The following PIKFYVE variants were observed in gnomAD, a reference collection of about 807,000 sequenced individuals.
The protein encoded by PIKFYVE is phosphoinositide kinase, FYVE-type zinc finger containing, also known as 1-phosphatidylinositol 3-phosphate 5-kinase.
PIKFYVE carries 122 observed loss-of-function variants against 257.9 expected under a neutral mutation model. The observed-to-expected ratio is 0.47, with a 90% CI of 0.41 to 0.55. The LOEUF (loss-of-function observed/expected upper bound fraction) is 0.55, where lower values mean the gene tolerates loss of function less well. PIKFYVE is among the 20% of genes least tolerant of loss of function. The pLI, the probability that PIKFYVE is intolerant of heterozygous loss-of-function variation, is 0.00. For synonymous variants in PIKFYVE, 892 were observed against 868.9 expected (o/e 1.03, Z -0.47); for missense variants, 2,160 against 2,536.6 (o/e 0.85, Z 3.19).
chr2:208,277,734 C>T, intron 5 of PIKFYVE, 26 bp downstream of exon 5: 1 of 1,610,034 alleles, frequency 6.2e-7, no homozygotes. Flanking sequence ...TGCCAGTTTA[C>T]AATTTTTAAA....
At chr2:208,314,217 G>T in intron 13 of PIKFYVE, 77 bp from the exon 14 acceptor site, 1 of 1,501,232 alleles carries the variant, frequency 6.7e-7, no homozygotes, top group Non-Finnish European at 9.2e-7. Flanking sequence ...AAGACAAAGG[G>T]CAATTTCTAA....
At chr2:208,326,988 TTAAC>T (rs1200121730) in intron 20 of PIKFYVE, among the ~76,000 whole-genome samples, 2 of 151,924 alleles carry the variant, frequency 1.3e-5, no homozygotes, top group Non-Finnish European at 2.9e-5. Context: ...ATAAAACTAA[TTAAC>T]AAATCCATTG....
intron 3 of PIKFYVE, among the ~76,000 whole-genome samples, chr2:208,275,869 A>G (rs1294705692): frequency 6.6e-6 from 1 of 152,188 alleles, no homozygotes; most frequent in Non-Finnish European, 1.5e-5. Context: ...TAGGTTTTGT[A>G]ACTGCCAGAA....
At position 208,347,873 on chromosome 2, in the gene PIKFYVE, G is replaced by A. The variant is rs1367972693; in HGVS notation, c.5224G>A (p.Gly1742Arg). 1.2e-6 allele frequency: 2 copies of A among 1,613,156 alleles called. No individual in the cohort carries two copies. The highest frequency in any genetic ancestry group is 1.7e-6 in the Non-Finnish European group (2 of 1,179,574). Residue 1742 changes from glycine to arginine, a missense_variant, in exon 35 of 42, where the codon GGA (glycine) becomes AGA (arginine). By Grantham distance (125) the Gly-to-Arg change is moderately radical. Around this residue, in one of 12 missense-constraint regions of PIKFYVE, gnomAD observed 699 missense variants for 855.8 expected, o/e 0.82. Transcript: ENST00000264380. ...TEPQPTKKAS[G>R]MLSFFRGTAG... The stretch of plus-strand genomic sequence containing the variant: ...CTTATTTTTAGCCAAAAAGGCTTCT[G>A]GAATGTTGTCCTTCTTCAGAGGGAC...
chr2:208,304,961 C>T lies in PIKFYVE; in HGVS notation c.1584C>T (p.Ile528=), dbSNP rs1374478109. The T allele has an allele frequency of 3.7e-6, 6 of 1,614,020 alleles. 1 individual carries two copies. The highest frequency in any genetic ancestry group is 5.1e-6 in the Non-Finnish European group (6 of 1,180,020). The change falls in exon 12 of 42, where the codon ATC becomes ATT. Residue 528 remains isoleucine, a synonymous_variant. Transcript: ENST00000264380. ...AGCTGGACAACGTGAACTTCCATAT[C>T]AAGAAGCCCTCCAAGTACCCACATG... ...NVELDNVNFH[I]KKPSKYPHVP...
chr2:208,344,705 C>T (rs1340691251), intron 32 of PIKFYVE, among the ~76,000 whole-genome samples: 1 of 67,086 alleles, frequency 1.5e-5, no homozygotes, highest in Admixed American at 2.3e-4. Flanking sequence ...GTTAATAGAA[C>T]ATTAAACATT....
At position 208,356,771 on chromosome 2, in the gene PIKFYVE, G is replaced by A. The variant is rs1355982178; in HGVS notation, c.*1466G>A. ...AGTAAACTATCTTTGAGGAAATACT[G>A]TAACCCCAGAATATTTCCTCTTGAC... On this transcript the variant is annotated 3_prime_UTR_variant, in exon 42 of 42. Coordinates refer to ENST00000264380, the MANE Select transcript of PIKFYVE (RefSeq NM_015040.4). 6.6e-6 allele frequency: 1 copy of A among 152,644 alleles called. No individual in the cohort carries two copies. Among genetic ancestry groups the A allele is most frequent in the East Asian group, 1.9e-4 (1 of 5,202 alleles). 9.5% of individuals were successfully genotyped at this position (152,644 alleles called of 1,614,324 possible). A position where few individuals can be genotyped will look rare whatever the true frequency, so the allele number is the denominator to read the frequency against.
chr2:208,269,811 C>T (rs1689168378), intron 1 of PIKFYVE: 1 of 247,086 alleles, frequency 4.0e-6, no homozygotes, highest in Non-Finnish European at 8.8e-6. Flanking sequence ...CAACTGGGGG[C>T]TCCTTGGTTT....
intron 7 of PIKFYVE, among the ~76,000 whole-genome samples, chr2:208,296,532 C>T (rs879911592): frequency 6.6e-6 from 1 of 152,010 alleles, no homozygotes; most frequent in Non-Finnish European, 1.5e-5. Flanking sequence ...ATATATGAGT[C>T]CAGAATTTAG....
intron 17 of PIKFYVE, among the ~76,000 whole-genome samples, chr2:208,323,297 T>C: frequency 8.6e-6 from 1 of 116,738 alleles, no homozygotes; most frequent in African/African-American, 3.3e-5. Context: ...AGTGTGATGT[T>C]CCCCTTCCTG....
At chr2:208,302,008 T>G (rs1206846824) in intron 9 of PIKFYVE, among the ~76,000 whole-genome samples, 1 of 152,220 alleles carries the variant, frequency 6.6e-6, no homozygotes, top group African/African-American at 2.4e-5. Context: ...GTTATTAAAA[T>G]TAGGTTTTGT....
At chr2:208,348,776 A>G (rs1699482334) in intron 35 of PIKFYVE, among the ~76,000 whole-genome samples, 1 of 152,016 alleles carries the variant, frequency 6.6e-6, no homozygotes, top group South Asian at 2.1e-4. Context: ...TTATATTGGC[A>G]AGTTGAGTAG....
intron 6 of PIKFYVE, among the ~76,000 whole-genome samples, chr2:208,288,524 T>G (rs1469734838): frequency 6.6e-6 from 1 of 152,236 alleles, no homozygotes; most frequent in Non-Finnish European, 1.5e-5. Flanking sequence ...AATTGTCATT[T>G]CGGCATTTTA....
chr2:208,326,492 G>A (rs752955122), intron 20 of PIKFYVE, 63 bp downstream of exon 20: 12 of 1,546,218 alleles, frequency 7.8e-6, no homozygotes, highest in Non-Finnish European at 1.1e-5. Flanking sequence ...CTCCTCAAAG[G>A]CAGGCTAAAA....
chr2:208,352,620 T>A (rs1699876219), intron 38 of PIKFYVE, 34 bp from the exon 39 acceptor site: 1 of 1,608,364 alleles, frequency 6.2e-7, no homozygotes, highest in South Asian at 1.1e-5. Flanking sequence ...TAACCCTTTT[T>A]GATAAGAATT....
chr2:208,271,533 A>T lies in PIKFYVE; in HGVS notation c.14A>T (p.Asp5Val). 1 of 1,614,124 alleles carries T rather than the reference A, an allele frequency of 6.2e-7. No individual in the cohort carries two copies. Among genetic ancestry groups the T allele is most frequent in the Non-Finnish European group, 8.5e-7 (1 of 1,180,012 alleles). Residue 5 changes from aspartate to valine, a missense_variant, in exon 2 of 42, where the codon GAT becomes GTT. Asp to Val is a radical substitution (Grantham distance 152). Around this residue, in one of 12 missense-constraint regions of PIKFYVE, gnomAD observed 172 missense variants for 180.6 expected, o/e 0.95. Coordinates refer to ENST00000264380, the MANE Select transcript of PIKFYVE (RefSeq NM_015040.4). ...CAGACTCATGAAATGGCCACAGATG[A>T]TAAGACGTCCCCAACACTGGACTCT... The part of the protein sequence containing the change: MATD[D>V]KTSPTLDSAN...
chr2:208,299,650 C>T (rs192775299), intron 8 of PIKFYVE, among the ~76,000 whole-genome samples: 127 of 152,260 alleles, frequency 8.3e-4, no homozygotes, highest in Non-Finnish European at 1.2e-3. Context: ...AATAAGAGAG[C>T]TTAACTCTTA....
chr2:208,321,287 G>A (rs1696172682), intron 17 of PIKFYVE, among the ~76,000 whole-genome samples: 1 of 152,132 alleles, frequency 6.6e-6, no homozygotes, highest in African/African-American at 2.4e-5. Context: ...TTTAGGAAAA[G>A]CATTACTTGA....
intron 36 of PIKFYVE, 101 bp from the exon 37 acceptor site, chr2:208,350,670 T>C (rs1699692076): frequency 1.6e-6 from 2 of 1,270,748 alleles, no homozygotes; most frequent in African/African-American, 3.0e-5. Flanking sequence ...ATGAAGAAAC[T>C]TAAGTGGTTG....
Sources: allele counts gnomAD v4.1 joint callset (sites outside exome capture counted in the v4.1 genomes callset), GRCh38; gene constraint gnomAD v4.1.1; regional missense constraint gnomAD v4.1.1; transcripts MANE v1.5; gene names NCBI Gene and HGNC (gene_info 2026-07-23, HGNC 2026-07-21).